The following WDR17 variants were observed in gnomAD, a reference collection of about 807,000 sequenced individuals.
WDR17 encodes WD repeat-containing protein 17.
A neutral mutation model predicts 161.7 loss-of-function variants in WDR17; 143 were observed. The ratio of observed to expected loss-of-function variants is 0.88; its 90% CI spans 0.77 to 1.02. The LOEUF is 1.02. WDR17 is among the 50% of genes least tolerant of loss of function. The probability of loss-of-function intolerance (pLI) is 0.00; values close to 1 mark genes in which losing one functional copy is unlikely to be tolerated. For missense variants in WDR17, 1,469 were observed against 1,520.9 expected, an observed-to-expected ratio of 0.97 and a Z score of 0.57; for synonymous variants, 517 against 515.6, an observed-to-expected ratio of 1.00 and a Z score of -0.04.
At chr4:176,167,780 A>G (rs948249872) in intron 22 of WDR17, among the ~76,000 whole-genome samples, 1 of 151,942 alleles carries the variant, frequency 6.6e-6, no homozygotes, top group Non-Finnish European at 1.5e-5. Context: ...ATATTTTAAT[A>G]TAAATCTTCT....
intron 11 of WDR17, among the ~76,000 whole-genome samples, chr4:176,142,933 G>T (rs1354239194): frequency 6.6e-6 from 1 of 152,196 alleles, no homozygotes; most frequent in Non-Finnish European, 1.5e-5. Flanking sequence ...AGGCTAGAGT[G>T]CAATGGCATG....
Position 176,073,450 on chromosome 4 carries a change from C to T in WDR17, c.-7+7371C>T, listed in dbSNP as rs888612227. 2.5e-3 allele frequency among the ~76,000 whole-genome samples: 385 copies of T among 151,048 alleles called. 3 individuals are homozygous for T. Among genetic ancestry groups the T allele is most frequent in the African/African-American group, 8.9e-3 (367 of 41,228 alleles). On this transcript the variant is annotated intron_variant, in intron 1 of 28. Transcript: ENST00000508596. ...GACATGAACTCATCATTTTTTATGG[C>T]TGCATAGTATTTCATGGTGTATATG...
At chr4:176,102,197 A>G (rs1311686259) in intron 1 of WDR17, among the ~76,000 whole-genome samples, 1 of 152,234 alleles carries the variant, frequency 6.6e-6, no homozygotes, top group African/African-American at 2.4e-5. Flanking sequence ...TAAAGTGGGC[A>G]AAAGAGCTGA....
At position 176,115,787 on chromosome 4, in the gene WDR17, T is replaced by G. The variant is rs1740518002; in HGVS notation, c.124-9T>G. 5 of 1,569,632 alleles carry G rather than the reference T, an allele frequency of 3.2e-6. No homozygotes were observed. The South Asian group carries it at 6.1e-5, about 19-fold the overall frequency. On this transcript the variant is annotated splice_polypyrimidine_tract_variant and intron_variant, in intron 2 of 28. Coordinates refer to ENST00000508596, the MANE Select transcript of WDR17 (RefSeq NM_181265.4). ...CACTAAAATATTTTATTTATATATT[T>G]TGTTTTAGTTGGATCACCGTTATAA...
At chr4:176,131,532 A>AT (rs749951494) in intron 6 of WDR17, 22 bp from the exon 7 acceptor site, 16 of 1,578,496 alleles carry the variant, frequency 1.0e-5, no homozygotes, top group South Asian at 4.7e-5. Context: ...TTCCAATAGG[A>AT]TTTTTTTTCT....
chr4:176,155,978 AATACT>A, intron 17 of WDR17, 96 bp from the exon 18 acceptor site: 1 of 1,051,984 alleles, frequency 9.5e-7, no homozygotes, highest in Non-Finnish European at 1.4e-6. Flanking sequence ...CAAATATAAA[AATACT>A]ATATTATAAA....
chr4:176,167,636 C>A (rs2126869049), intron 22 of WDR17, among the ~76,000 whole-genome samples: 1 of 85,034 alleles, frequency 1.2e-5, no homozygotes, highest in East Asian at 4.6e-4. Context: ...GACAGCGAGA[C>A]TCCGTCTCAA....
chr4:176,144,685 T>C (rs1745882815), intron 11 of WDR17, among the ~76,000 whole-genome samples: 2 of 152,172 alleles, frequency 1.3e-5, no homozygotes, highest in South Asian at 4.1e-4. Context: ...ATAAACTTCA[T>C]TTTTAATTTT....
rs576272115 is a variant in WDR17 at position 176,119,946 on chromosome 4, T to G, written c.387T>G (p.Ile129Met). ...TTTCCCACAGAGGCCCACTGTTCAT[T>G]TGGACCATCTCAGGACCAGATAGTG... is the stretch of plus-strand genomic sequence containing the variant. ...AFVSHRGPLF[I>M]WTISGPDSGV... The change falls in exon 4 of 29, where the codon ATT (isoleucine) becomes ATG (methionine). Residue 129 changes from isoleucine to methionine, a missense_variant. Transcript: ENST00000508596. 6.2e-7 allele frequency: 1 copy of G among 1,614,086 alleles called. No individual in the cohort carries two copies. Among genetic ancestry groups the G allele is most frequent in the Admixed American group, 1.7e-5 (1 of 60,012 alleles).
At chr4:176,146,193 T>TA in intron 12 of WDR17, 34 bp downstream of exon 12, 1 of 1,594,446 alleles carries the variant, frequency 6.3e-7, no homozygotes, top group Non-Finnish European at 8.6e-7. Flanking sequence ...TTCTAGTCCT[T>TA]AAAATCATAA....
At chr4:176,167,664 A>AACAAC (rs1554036555) in intron 22 of WDR17, among the ~76,000 whole-genome samples, 6 of 146,822 alleles carry the variant, frequency 4.1e-5, no homozygotes, top group African/African-American at 1.0e-4. Flanking sequence ...AAAAAAAAAA[A>AACAAC]AAAAAAAACA....
intron 3 of WDR17, 91 bp downstream of exon 3, chr4:176,116,070 T>G: frequency 2.3e-6 from 3 of 1,300,740 alleles, no homozygotes; most frequent in Admixed American, 2.9e-5. Flanking sequence ...TTTAAAATGT[T>G]GTTTTCAAAC....
In WDR17 at chr4:176,153,999, A is replaced by T. The variant is rs116122226; in HGVS notation, c.2460+2032A>T. On this transcript the variant is annotated intron_variant, in intron 17 of 28. Coordinates refer to ENST00000508596, the MANE Select transcript of WDR17 (RefSeq NM_181265.4). ...AAAGTCAAGGAGAAAAGGAATTAAT[A>T]AATTTTGGTACAACAGTGTAATTCT... Among the ~76,000 whole-genome samples the T allele has an allele frequency of 7.2e-3, 1,103 of 152,334 alleles. 16 individuals are homozygous for T. Among genetic ancestry groups the T allele is most frequent in the African/African-American group, 0.025 (1,037 of 41,580 alleles).
chr4:176,080,252 G>T (rs1410556033), intron 1 of WDR17, among the ~76,000 whole-genome samples: 3 of 151,858 alleles, frequency 2.0e-5, no homozygotes, highest in African/African-American at 4.8e-5. Flanking sequence ...ATGTGGGGAT[G>T]TTAAGCAGGA....
intron 18 of WDR17, 47 bp downstream of exon 18, chr4:176,156,190 TTAGAA>T (rs1216101372): frequency 6.4e-7 from 1 of 1,571,298 alleles, no homozygotes; most frequent in African/African-American, 1.4e-5. Context: ...TAAAATCATG[TTAGAA>T]TAGAAGCAGT....
intron 4 of WDR17, among the ~76,000 whole-genome samples, 193 bp from the exon 5 acceptor site, chr4:176,124,910 GC>G (rs1433229550): frequency 1.3e-5 from 2 of 152,164 alleles, no homozygotes; most frequent in African/African-American, 4.8e-5. Flanking sequence ...AGAGCATTGA[GC>G]CTGACCTTCA....
chr4:176,099,779 C>A (rs1482823866), intron 1 of WDR17, among the ~76,000 whole-genome samples: 1 of 152,024 alleles, frequency 6.6e-6, no homozygotes, highest in African/African-American at 2.4e-5. Flanking sequence ...GTCTAACATT[C>A]CACTTTTGTG....
chr4:176,157,126 G>A (rs2126836319), intron 18 of WDR17, among the ~76,000 whole-genome samples: 1 of 152,244 alleles, frequency 6.6e-6, no homozygotes, highest in South Asian at 2.1e-4. Flanking sequence ...AACCTACAAT[G>A]TATCATTATT....
intron 9 of WDR17, among the ~76,000 whole-genome samples, chr4:176,138,777 A>T (rs6848054): frequency 2.6e-5 from 4 of 151,654 alleles, no homozygotes; most frequent in African/African-American, 9.7e-5. Flanking sequence ...GTGGAAACCC[A>T]GCATTTTAGT....
Sources: gnomAD v4.1 joint callset for allele counts (sites outside exome capture counted in the v4.1 genomes callset) on GRCh38, gnomAD v4.1.1 for gene constraint, MANE v1.5 for transcripts, NCBI Gene and HGNC (gene_info 2026-07-23, HGNC 2026-07-21) for gene names.